The following NAA11 variants were observed in gnomAD, a reference collection of about 807,000 sequenced individuals.
The protein encoded by NAA11 is N-alpha-acetyltransferase 11, NatA catalytic subunit, also known as N-alpha-acetyltransferase 11.
In NAA11, 15 loss-of-function variants were observed where a neutral mutation model predicts 16.1. That is an observed-to-expected ratio of 0.93 (90% CI 0.62 to 1.44). NAA11 has a LOEUF of 1.44. NAA11 is among the 40% of genes most tolerant of loss of function. NAA11 has a pLI of 0.00. For missense variants in NAA11, 298 were observed against 291.3 expected (o/e 1.02, Z -0.17); for synonymous variants, 122 against 112.4 (o/e 1.09, Z -0.54).
chr4:79,297,398 G>A (rs1285798557), intron 1 of NAA11, among the ~76,000 whole-genome samples: 1 of 152,168 alleles, frequency 6.6e-6, no homozygotes, highest in Non-Finnish European at 1.5e-5. Flanking sequence ...AGGTGCAGCT[G>A]GGGCTGCCAC....
intron 2 of NAA11, chr4:79,245,677 G>A (rs558630287): frequency 9.4e-4 from 145 of 155,010 alleles, no homozygotes; most frequent in Non-Finnish European, 1.8e-3. Flanking sequence ...CAGCCACCCC[G>A]TCTGGGAAGT....
the NAA11 span, among the ~76,000 whole-genome samples, chr4:79,179,307 G>A: frequency 3.3e-5 from 5 of 152,050 alleles, no homozygotes; most frequent in Non-Finnish European, 7.4e-5. Flanking sequence ...ATTTGACCTC[G>A]AGAAAGTTGC....
At chr4:79,198,792 G>C in the NAA11 span, among the ~76,000 whole-genome samples, 4 of 151,930 alleles carry the variant, frequency 2.6e-5, no homozygotes, top group Non-Finnish European at 2.9e-5. Context: ...ATTGAGATGT[G>C]TGTTAACACC....
intron 2 of NAA11, among the ~76,000 whole-genome samples, chr4:79,266,829 C>T (rs1255462186): frequency 6.6e-6 from 1 of 151,892 alleles, no homozygotes; most frequent in African/African-American, 2.4e-5. Flanking sequence ...AAGCAGAGAC[C>T]AAGAGGAAGG....
chr4:79,216,104 T>TA, the NAA11 span, among the ~76,000 whole-genome samples: 1 of 152,148 alleles, frequency 6.6e-6, no homozygotes, highest in Non-Finnish European at 1.5e-5. Flanking sequence ...CAATTATGTT[T>TA]ACTCTTTATC....
At chr4:79,196,979 A>AAAG in the NAA11 span, among the ~76,000 whole-genome samples, 66 of 125,642 alleles carry the variant, frequency 5.3e-4, no homozygotes, top group African/African-American at 1.7e-3. Flanking sequence ...AAAAAAAAAA[A>AAAG]AAAGAAAGAA....
intron 1 of NAA11, among the ~76,000 whole-genome samples, chr4:79,323,746 G>A (rs1430682596): frequency 6.7e-6 from 1 of 150,054 alleles, no homozygotes; most frequent in Non-Finnish European, 1.5e-5. Flanking sequence ...GCGTGAACCC[G>A]GGAGGCGGAG....
chr4:79,252,935 G>T (rs997066884), intron 2 of NAA11, among the ~76,000 whole-genome samples: 2 of 152,192 alleles, frequency 1.3e-5, no homozygotes, highest in Non-Finnish European at 2.9e-5. Context: ...ATACACTGAA[G>T]AAAGGCAAGA....
intron 1 of NAA11, among the ~76,000 whole-genome samples, chr4:79,298,479 T>G (rs1202309596): frequency 6.6e-6 from 1 of 152,182 alleles, no homozygotes; most frequent in Non-Finnish European, 1.5e-5. Flanking sequence ...TCTCCAAGAT[T>G]CCAGGTGCCA....
chr4:79,184,898 G>A, the NAA11 span, among the ~76,000 whole-genome samples: 1 of 151,988 alleles, frequency 6.6e-6, no homozygotes, highest in Non-Finnish European at 1.5e-5. Context: ...CAAAAATAAA[G>A]TTTTTTATAT....
At chr4:79,221,308 T>A (rs1721183606), downstream of NAA11, among the ~76,000 whole-genome samples, 1 of 151,398 alleles carries the variant, frequency 6.6e-6, no homozygotes, top group Admixed American at 6.6e-5. Flanking sequence ...TATACAATCA[T>A]GTCATCTGCA....
At chr4:79,187,606 G>A in the NAA11 span, among the ~76,000 whole-genome samples, 1 of 152,032 alleles carries the variant, frequency 6.6e-6, no homozygotes, top group Admixed American at 6.5e-5. Flanking sequence ...GTTTTTCTTT[G>A]GGTTTATTGG....
the NAA11 span, among the ~76,000 whole-genome samples, chr4:79,203,736 A>AAT: frequency 2.6e-5 from 4 of 151,814 alleles, no homozygotes; most frequent in African/African-American, 9.7e-5. Flanking sequence ...AATATCAGAA[A>AAT]ATATATATAC....
intron 2 of NAA11, among the ~76,000 whole-genome samples, chr4:79,271,468 A>C (rs1265645805): frequency 6.6e-6 from 1 of 152,060 alleles, no homozygotes; most frequent in Non-Finnish European, 1.5e-5. Flanking sequence ...TTTTTGGTAA[A>C]GGAGAACATA....
At chr4:79,245,302 G>T (rs1439135235) in intron 2 of NAA11, 1 of 152,758 alleles carries the variant, frequency 6.5e-6, no homozygotes, top group Non-Finnish European at 1.4e-5. Context: ...AGTGAGGAAC[G>T]TCTCTGCCTG....
the NAA11 span, among the ~76,000 whole-genome samples, chr4:79,178,096 A>G: frequency 1.3e-5 from 2 of 152,138 alleles, no homozygotes; most frequent in Admixed American, 6.6e-5. Context: ...ATTTAGAAAT[A>G]TTTGCACTTA....
At chr4:79,191,619 C>G in the NAA11 span, among the ~76,000 whole-genome samples, 2 of 152,114 alleles carry the variant, frequency 1.3e-5, no homozygotes, top group Non-Finnish European at 2.9e-5. Flanking sequence ...TATTTTCTCC[C>G]ATTCTGTAGG....
the NAA11 span, among the ~76,000 whole-genome samples, chr4:79,211,494 G>A: frequency 2.0e-5 from 3 of 152,178 alleles, no homozygotes; most frequent in East Asian, 1.9e-4. Flanking sequence ...GCACACACTC[G>A]TACTATCAGT....
At chr4:79,256,972 TA>T (rs775192390) in intron 2 of NAA11, among the ~76,000 whole-genome samples, 7 of 152,176 alleles carry the variant, frequency 4.6e-5, no homozygotes, top group Non-Finnish European at 8.8e-5. Context: ...CAGAAAAGTT[TA>T]AAGAAACTTG....
Sources: allele counts gnomAD v4.1 joint callset (sites outside exome capture counted in the v4.1 genomes callset), GRCh38; gene constraint gnomAD v4.1.1; transcripts MANE v1.5; gene names NCBI Gene and HGNC (gene_info 2026-07-23, HGNC 2026-07-21).